Variants in IRAG1 observed in about 807,000 individuals in gnomAD.
The protein encoded by IRAG1 is IP3R-associated cGMP kinase substrate.
In IRAG1, 62 loss-of-function variants were observed where a neutral mutation model predicts 106.2. The observed-to-expected ratio is 0.58, with a 90% CI of 0.48 to 0.72. The LOEUF is 0.72. Among genes scored for constraint, IRAG1 ranks in the 30% least tolerant of loss-of-function variants. The probability of loss-of-function intolerance (pLI) is 0.00; values close to 1 mark genes in which losing one functional copy is unlikely to be tolerated. For synonymous variants in IRAG1, 462 were observed against 443.9 expected, an observed-to-expected ratio of 1.04 and a Z score of -0.51; for missense variants, 1,064 against 1,140.7, an observed-to-expected ratio of 0.93 and a Z score of 0.97.
At chr11:10,579,016 G>A (rs149862159) in intron 20 of IRAG1, among the ~76,000 whole-genome samples, 86 of 152,342 alleles carry the variant, frequency 5.6e-4, no homozygotes, top group African/African-American at 2.0e-3. Flanking sequence ...AATATCAGCA[G>A]AGAACCCTCA....
At chr11:10,620,979 TA>T (rs1337046532) in intron 10 of IRAG1, among the ~76,000 whole-genome samples, 1 of 151,764 alleles carries the variant, frequency 6.6e-6, no homozygotes, top group Non-Finnish European at 1.5e-5. Context: ...AAATAACAAG[TA>T]AAAAAAAGAA....
Position 10,628,471 on chromosome 11 carries a change from G to C in IRAG1, c.652+280C>G, listed in dbSNP as rs1856434573. On this transcript the variant is annotated intron_variant, in intron 6 of 20. Transcript: ENST00000423302. The surrounding 1 kb of genome is among the most constrained non-coding windows in gnomAD (Gnocchi z 4.1). ...GGCTTCTCTGAGCCTCCCTGAGCCA[G>C]AGAGGCTGTCCTAGTCCCCTTTCCC... 2.0e-5 allele frequency among the ~76,000 whole-genome samples: 3 copies of C among 152,194 alleles called. No homozygotes were observed. The highest frequency in any genetic ancestry group is 4.4e-5 in the Non-Finnish European group (3 of 68,036).
chr11:10,680,540 G>GAAGGAAGGAAGGAA (rs149163071), intron 1 of IRAG1, among the ~76,000 whole-genome samples: 17 of 85,806 alleles, frequency 2.0e-4, no homozygotes, highest in African/African-American at 7.0e-4. Flanking sequence ...AGGAAGGAAG[G>GAAGGAAGGAAGGAA]GGAAGGGGAA....
chr11:10,651,962 C>T (rs1191441741), intron 2 of IRAG1, 63 bp downstream of exon 2: 2 of 1,479,404 alleles, frequency 1.4e-6, no homozygotes, highest in Non-Finnish European at 1.8e-6. Context: ...GCTGTGGCCT[C>T]AGCCCAGGGT....
chr11:10,679,069 C>T (rs113430032), intron 1 of IRAG1, among the ~76,000 whole-genome samples: 3 of 152,306 alleles, frequency 2.0e-5, no homozygotes, highest in African/African-American at 7.2e-5. Flanking sequence ...AGGCACAATG[C>T]CCTTCAGCCT....
In IRAG1 at chr11:10,634,923, CA is replaced by C. The variant is rs148216713; in HGVS notation, c.226-853del. On this transcript the variant is annotated intron_variant, in intron 2 of 20. Transcript: ENST00000423302. Reference sequence around the variant, plus strand: ...TAGGTTATTTGGATTACTCAGAAAACAAAAAAGGCAGTTTCTCCTTTATTCC... The same window carrying C: ...TAGGTTATTTGGATTACTCAGAAAACAAAAAGGCAGTTTCTCCTTTATTCC... Among the ~76,000 whole-genome samples, 561 of 152,092 alleles carry C rather than the reference CA, an allele frequency of 3.7e-3. 3 individuals carry two copies. Among genetic ancestry groups the C allele is most frequent in the African/African-American group, 0.013 (537 of 41,498 alleles).
At chr11:10,586,574 C>T (rs568882445) in intron 18 of IRAG1, among the ~76,000 whole-genome samples, 2 of 152,202 alleles carry the variant, frequency 1.3e-5, no homozygotes, top group East Asian at 1.9e-4. Context: ...TGCACCATCA[C>T]GCCTGGCTAA....
At chr11:10,581,027 C>T (rs1851333807) in intron 19 of IRAG1, among the ~76,000 whole-genome samples, 2 of 152,134 alleles carry the variant, frequency 1.3e-5, no homozygotes, top group Non-Finnish European at 2.9e-5. Context: ...TAGAGAGGTA[C>T]TCAGTAAATG....
At chr11:10,612,132 A>C (rs1212476178) in intron 10 of IRAG1, among the ~76,000 whole-genome samples, 1 of 152,186 alleles carries the variant, frequency 6.6e-6, no homozygotes, top group African/African-American at 2.4e-5. Context: ...CCGACTCCTG[A>C]AAAACAGTGG....
intron 1 of IRAG1, among the ~76,000 whole-genome samples, chr11:10,670,856 G>C (rs960440074): frequency 1.6e-4 from 24 of 152,314 alleles, no homozygotes; most frequent in East Asian, 5.8e-4. Flanking sequence ...CAAGGAGAGA[G>C]GCCGCAGAAG....
Position 10,693,692 on chromosome 11 carries a change from C to A in IRAG1, c.-90G>T. The A allele has an allele frequency of 6.9e-7, 1 of 1,446,126 alleles. No individual in the cohort carries two copies. Among genetic ancestry groups the A allele is most frequent in the Non-Finnish European group, 9.3e-7 (1 of 1,071,042 alleles). The allele number at this position is 1,446,126 out of a possible 1,614,324, so 89.6% of individuals were successfully genotyped here. ...GGCCGCACGCCTCCTCTGAGAGGGG[C>A]TGGGACTTAGAGCCGAGAGCTCCTC... On this transcript the variant is annotated 5_prime_UTR_variant, in exon 1 of 21. Transcript: ENST00000423302.
At chr11:10,635,681 C>T (rs548769973) in intron 2 of IRAG1, among the ~76,000 whole-genome samples, 1 of 152,344 alleles carries the variant, frequency 6.6e-6, no homozygotes, top group African/African-American at 2.4e-5. Flanking sequence ...ATCTGGACTT[C>T]TTACGTCCCA....
intron 10 of IRAG1, among the ~76,000 whole-genome samples, chr11:10,611,949 G>A (rs1273868068): frequency 6.6e-6 from 1 of 151,832 alleles, no homozygotes; most frequent in Non-Finnish European, 1.5e-5. Flanking sequence ...TCTTACTGAT[G>A]AGAAGAAGAG....
intron 2 of IRAG1, among the ~76,000 whole-genome samples, chr11:10,640,570 A>T (rs1177081398): frequency 6.6e-6 from 1 of 152,182 alleles, no homozygotes; most frequent in South Asian, 2.1e-4. Context: ...TCACTCTATC[A>T]GGGACTGGGG....
chr11:10,584,514 A>ACAG (rs1241179968), intron 18 of IRAG1, among the ~76,000 whole-genome samples: 1 of 148,472 alleles, frequency 6.7e-6, no homozygotes, highest in African/African-American at 2.5e-5. Context: ...AAACATAGCT[A>ACAG]CAGCCAAGGG....
At chr11:10,674,950 T>C (rs1293629146) in intron 1 of IRAG1, among the ~76,000 whole-genome samples, 1 of 152,202 alleles carries the variant, frequency 6.6e-6, no homozygotes, top group South Asian at 2.1e-4. Flanking sequence ...ATATGAAGGA[T>C]TCTCTTTGGA....
intron 17 of IRAG1, chr11:10,593,203 T>C (rs1363823006): frequency 4.4e-6 from 1 of 228,940 alleles, no homozygotes; most frequent in African/African-American, 2.3e-5. Flanking sequence ...TAGAAAAAAA[T>C]TGTAACCACC....
At chr11:10,618,101 T>C (rs1450118476) in intron 10 of IRAG1, among the ~76,000 whole-genome samples, 1 of 152,226 alleles carries the variant, frequency 6.6e-6, no homozygotes, top group Admixed American at 6.5e-5. Flanking sequence ...TGCCCATCTC[T>C]CTGGGACGTG....
At position 10,625,950 on chromosome 11, in the gene IRAG1, G is replaced by C; in HGVS notation, c.1368+16C>G. 6.9e-7 allele frequency: 1 copy of C among 1,459,216 alleles called. No homozygotes were observed. The highest frequency in any genetic ancestry group is 2.4e-5 in the East Asian group (1 of 41,346). The allele number at this position is 1,459,216 out of a possible 1,614,324, so 90.4% of individuals were successfully genotyped here. On this transcript the variant is annotated intron_variant, in intron 9 of 20. Transcript: ENST00000423302. Reference sequence around the variant, plus strand: ...CTGGAGTACACACTCTGCCCAACTGGCCCCCAGGAACCCACCTCTCGGAGC... The same window carrying C: ...CTGGAGTACACACTCTGCCCAACTGCCCCCCAGGAACCCACCTCTCGGAGC...
Sources: allele counts gnomAD v4.1 joint callset (sites outside exome capture counted in the v4.1 genomes callset), GRCh38; gene constraint gnomAD v4.1.1; non-coding constraint Gnocchi (gnomAD v3.1); transcripts MANE v1.5; gene names NCBI Gene and HGNC (gene_info 2026-07-23, HGNC 2026-07-21).